The following ASTN1 variants were observed in gnomAD, a reference collection of about 807,000 sequenced individuals.
ASTN1 encodes astrotactin-1.
In ASTN1, 41 loss-of-function variants were observed where a neutral mutation model predicts 140.7. That is an observed-to-expected ratio of 0.29 (90% CI 0.23 to 0.38). The LOEUF is 0.38. Among genes scored for constraint, ASTN1 ranks in the 10% least tolerant of loss-of-function variants. The pLI is 1.00. For missense variants in ASTN1, 1,479 were observed against 1,678.8 expected, an observed-to-expected ratio of 0.88 and a Z score of 2.08; for synonymous variants, 640 against 652.2, an observed-to-expected ratio of 0.98 and a Z score of 0.29.
intron 22 of ASTN1, among the ~76,000 whole-genome samples, chr1:176,865,268 G>A (rs1011379869): frequency 1.3e-5 from 2 of 152,210 alleles, no homozygotes; most frequent in African/African-American, 4.8e-5. Flanking sequence ...AAGGGAGAGA[G>A]GACAGCAAGG....
intron 8 of ASTN1, among the ~76,000 whole-genome samples, chr1:176,990,474 G>A (rs1027108346): frequency 1.1e-4 from 16 of 151,852 alleles, no homozygotes; most frequent in Non-Finnish European, 8.8e-5. Flanking sequence ...GAGAATGGGG[G>A]AGAATAAGTA....
intron 8 of ASTN1, among the ~76,000 whole-genome samples, chr1:176,971,457 TA>T (rs1229657528): frequency 6.6e-6 from 1 of 152,222 alleles, no homozygotes; most frequent in African/African-American, 2.4e-5. Flanking sequence ...CAAAGGATGC[TA>T]TAGGGCCTTG....
chr1:176,900,209 G>T (rs1012581866), intron 16 of ASTN1, among the ~76,000 whole-genome samples: 1 of 152,172 alleles, frequency 6.6e-6, no homozygotes, highest in South Asian at 2.1e-4. Context: ...TCTGATGACA[G>T]CCAAGTCTAT....
intron 1 of ASTN1, among the ~76,000 whole-genome samples, chr1:177,123,622 C>A (rs777962073): frequency 6.6e-6 from 1 of 152,164 alleles, no homozygotes; most frequent in Non-Finnish European, 1.5e-5. Flanking sequence ...TATCTGGCTA[C>A]CCTAACCTCA....
intron 1 of ASTN1, among the ~76,000 whole-genome samples, chr1:177,098,374 A>G (rs1166727524): frequency 6.6e-6 from 1 of 152,204 alleles, no homozygotes; most frequent in Non-Finnish European, 1.5e-5. Context: ...GGGAGTACCT[A>G]TATCAAAGGA....
chr1:177,125,754 C>A (rs1380614926), intron 1 of ASTN1, among the ~76,000 whole-genome samples: 1 of 152,164 alleles, frequency 6.6e-6, no homozygotes, highest in Non-Finnish European at 1.5e-5. Flanking sequence ...ACCCTAAACA[C>A]CCTTAATTTC....
intron 1 of ASTN1, among the ~76,000 whole-genome samples, chr1:177,111,567 T>A (rs1202903076): frequency 6.6e-6 from 1 of 152,206 alleles, no homozygotes; most frequent in South Asian, 2.1e-4. Flanking sequence ...AAATACACAC[T>A]CTTCTGCCAG....
Position 176,882,718 on chromosome 1 carries a change from A to G in ASTN1, c.3362+141T>C, listed in dbSNP as rs1383067604. On this transcript the variant is annotated intron_variant, in intron 20 of 22. Coordinates refer to ENST00000361833, the MANE Select transcript of ASTN1 (RefSeq NM_004319.3). ...GTCTAAGTACTCGAGAACATTCTCTATAATGCCACCTGGGATAAGACTTCA... is the reference window on the plus strand; with the variant it reads ...GTCTAAGTACTCGAGAACATTCTCTGTAATGCCACCTGGGATAAGACTTCA... 5 of 1,199,802 alleles carry G rather than the reference A, an allele frequency of 4.2e-6. No homozygotes were observed. The Admixed American group carries it at 9.2e-5, about 22-fold the overall frequency. The allele number at this position is 1,199,802 out of a possible 1,614,324, so 74.3% of individuals were successfully genotyped here.
intron 14 of ASTN1, among the ~76,000 whole-genome samples, chr1:176,939,238 C>T (rs1671582368): frequency 6.6e-6 from 1 of 152,198 alleles, no homozygotes; most frequent in African/African-American, 2.4e-5. Context: ...ACTGCGTAAA[C>T]TTGGCATTTC....
At chr1:176,962,587 A>G (rs1672714022) in intron 9 of ASTN1, among the ~76,000 whole-genome samples, 1 of 152,244 alleles carries the variant, frequency 6.6e-6, no homozygotes, top group African/African-American at 2.4e-5. Context: ...TGACAAATAC[A>G]TATTAAAATC....
chr1:176,898,322 T>C (rs1420578757), intron 16 of ASTN1, among the ~76,000 whole-genome samples: 2 of 152,186 alleles, frequency 1.3e-5, no homozygotes, highest in East Asian at 3.8e-4. Context: ...CACTGCCTTC[T>C]GGTCCCCTCG....
At chr1:176,936,832 C>T (rs1671469499) in intron 14 of ASTN1, among the ~76,000 whole-genome samples, 1 of 152,202 alleles carries the variant, frequency 6.6e-6, no homozygotes, top group South Asian at 2.1e-4. Flanking sequence ...TGACCCCTTG[C>T]TTCCTTTTCA....
At chr1:177,005,316 C>CA (rs1352540050) in intron 8 of ASTN1, among the ~76,000 whole-genome samples, 4 of 152,014 alleles carry the variant, frequency 2.6e-5, no homozygotes, top group Non-Finnish European at 5.9e-5. Context: ...ATTAAAAAGA[C>CA]AAAAAACAAC....
chr1:176,915,281 A>C (rs1670433234), intron 16 of ASTN1, among the ~76,000 whole-genome samples: 3 of 152,282 alleles, frequency 2.0e-5, no homozygotes, highest in Admixed American at 1.3e-4. Flanking sequence ...TATGACTCTT[A>C]GTCCTTACAA....
chr1:176,963,619 A>G (rs1414077103), intron 9 of ASTN1, among the ~76,000 whole-genome samples: 1 of 152,178 alleles, frequency 6.6e-6, no homozygotes, highest in African/African-American at 2.4e-5. Context: ...GCTTGTGGGG[A>G]TAGAAACAGT....
chr1:176,965,523 T>C (rs1260010587), intron 8 of ASTN1, among the ~76,000 whole-genome samples: 3 of 152,246 alleles, frequency 2.0e-5, no homozygotes, highest in Admixed American at 6.5e-5. Context: ...AGATGTCACA[T>C]ATTCATAATT....
intron 2 of ASTN1, among the ~76,000 whole-genome samples, chr1:177,046,473 T>C (rs1363469902): frequency 2.6e-5 from 4 of 152,170 alleles, no homozygotes; most frequent in Non-Finnish European, 5.9e-5. Context: ...TGAGGAGCTG[T>C]TGGCTTTGCC....
At chr1:177,066,040 T>C (rs988476145) in intron 1 of ASTN1, among the ~76,000 whole-genome samples, 1 of 152,222 alleles carries the variant, frequency 6.6e-6, no homozygotes, top group African/African-American at 2.4e-5. Flanking sequence ...TTGAAAATTT[T>C]GTTGTAACTT....
chr1:176,867,386 G>A (rs1571430362), intron 22 of ASTN1, among the ~76,000 whole-genome samples: 1 of 152,004 alleles, frequency 6.6e-6, no homozygotes, highest in Middle Eastern at 3.4e-3. Flanking sequence ...GGAGAGGAGA[G>A]GACAGTTAGA....
Sources: gnomAD v4.1 joint callset for allele counts (sites outside exome capture counted in the v4.1 genomes callset) on GRCh38, gnomAD v4.1.1 for gene constraint, MANE v1.5 for transcripts, NCBI Gene and HGNC (gene_info 2026-07-23, HGNC 2026-07-21) for gene names.